The following DENND1A variants were observed in gnomAD, a reference collection of about 807,000 sequenced individuals.
DENND1A encodes DENN domain containing 1A, also known as DENN domain-containing protein 1A.
In DENND1A, 51 loss-of-function variants were observed where a neutral mutation model predicts 113.7. The observed-to-expected ratio is 0.45, with a 90% confidence interval of 0.36 to 0.57. The LOEUF (loss-of-function observed/expected upper bound fraction) is 0.57. Among genes scored for constraint, DENND1A ranks in the 20% least tolerant of loss-of-function variants. The pLI, the probability that DENND1A is intolerant of heterozygous loss-of-function variation, is 0.00. For synonymous variants in DENND1A, 565 were observed against 570.8 expected, an observed-to-expected ratio of 0.99 and a Z score of 0.14; for missense variants, 1,258 against 1,395.9, an observed-to-expected ratio of 0.90 and a Z score of 1.57.
At chr9:123,818,021 C>T (rs530107129) in intron 2 of DENND1A, among the ~76,000 whole-genome samples, 15 of 149,294 alleles carry the variant, frequency 1.0e-4, no homozygotes, top group Middle Eastern at 3.5e-3. Context: ...AGTGAGACTC[C>T]GTTAAAAAAA....
intron 2 of DENND1A, among the ~76,000 whole-genome samples, chr9:123,854,818 G>A (rs180892953): frequency 2.6e-5 from 4 of 151,022 alleles, no homozygotes; most frequent in African/African-American, 7.4e-5. Flanking sequence ...TCTCTTGGTC[G>A]AATATATCTT....
At chr9:123,477,265 C>G (rs1260468284) in intron 13 of DENND1A, among the ~76,000 whole-genome samples, 2 of 151,774 alleles carry the variant, frequency 1.3e-5, no homozygotes, top group Non-Finnish European at 2.9e-5. Context: ...TACAGTGGCT[C>G]ACGCCTGTGA....
At chr9:123,722,285 G>A (rs2067396382) in intron 5 of DENND1A, among the ~76,000 whole-genome samples, 2 of 152,194 alleles carry the variant, frequency 1.3e-5, no homozygotes, top group Admixed American at 1.3e-4. Context: ...GGTGACTTGG[G>A]TGCTGTTAAA....
intron 13 of DENND1A, among the ~76,000 whole-genome samples, chr9:123,519,786 T>C (rs2054239278): frequency 6.6e-6 from 1 of 152,074 alleles, no homozygotes; most frequent in South Asian, 2.1e-4. Flanking sequence ...AGCAGAGGCA[T>C]GGCATGTGAC....
chr9:123,725,904 T>C (rs1564144543), intron 5 of DENND1A, among the ~76,000 whole-genome samples: 1 of 152,170 alleles, frequency 6.6e-6, no homozygotes, highest in East Asian at 1.9e-4. Flanking sequence ...TTCTAACAGG[T>C]AAACAACAAA....
chr9:123,483,556 G>A (rs2050531884), intron 13 of DENND1A, among the ~76,000 whole-genome samples: 1 of 152,250 alleles, frequency 6.6e-6, no homozygotes, highest in African/African-American at 2.4e-5. Flanking sequence ...GGGCTGACCA[G>A]ACGCATGCAC....
At chr9:123,580,750 C>A (rs2058849436) in intron 12 of DENND1A, among the ~76,000 whole-genome samples, 1 of 152,188 alleles carries the variant, frequency 6.6e-6, no homozygotes, top group South Asian at 2.1e-4. Context: ...GCTAGTAGGC[C>A]CTAAGGTACC....
chr9:123,497,214 G>A (rs1351479105), intron 13 of DENND1A, among the ~76,000 whole-genome samples: 1 of 152,232 alleles, frequency 6.6e-6, no homozygotes, highest in Non-Finnish European at 1.5e-5. Flanking sequence ...TGCACATTTA[G>A]AACTTAGGGA....
chr9:123,395,733 C>T (rs2043093440), intron 21 of DENND1A, among the ~76,000 whole-genome samples: 1 of 152,112 alleles, frequency 6.6e-6, no homozygotes, highest in Non-Finnish European at 1.5e-5. Context: ...TGGGGATGCA[C>T]TGGCAGCTTC....
At chr9:123,732,682 T>A (rs1445211566) in intron 5 of DENND1A, among the ~76,000 whole-genome samples, 1 of 152,130 alleles carries the variant, frequency 6.6e-6, no homozygotes, top group Non-Finnish European at 1.5e-5. Context: ...AAATTAAAAA[T>A]AAAAATAGAA....
chr9:123,812,210 T>C (rs1362356992), intron 2 of DENND1A, among the ~76,000 whole-genome samples: 2 of 152,234 alleles, frequency 1.3e-5, no homozygotes, highest in African/African-American at 4.8e-5. Flanking sequence ...AACATTTATA[T>C]ATCTGATATT....
intron 13 of DENND1A, among the ~76,000 whole-genome samples, chr9:123,520,623 C>G (rs2054317277): frequency 6.6e-6 from 1 of 152,240 alleles, no homozygotes; most frequent in African/African-American, 2.4e-5. Flanking sequence ...TCTTGAGAGT[C>G]AGATTTGGAT....
At chr9:123,480,762 G>A (rs140173317) in intron 13 of DENND1A, among the ~76,000 whole-genome samples, 20 of 152,244 alleles carry the variant, frequency 1.3e-4, no homozygotes, top group African/African-American at 4.8e-4. Context: ...ACCTTACCAA[G>A]CATACAGCCT....
rs1200426046 is a variant in DENND1A at position 123,769,652 on chromosome 9, TAAAG to T, written c.133-93_133-90del. Reference sequence around the variant, plus strand: ...AGCACACAATCTAGCAACTTTACCCTAAAGAAAGAGGAGACAGATGAAGAAATAT... The same window carrying T: ...AGCACACAATCTAGCAACTTTACCCTAAAGAGGAGACAGATGAAGAAATAT... On this transcript the variant is annotated intron_variant, in intron 3 of 23. Coordinates refer to ENST00000394215, the MANE Select transcript of DENND1A (RefSeq NM_001352964.2). 6.2e-6 allele frequency: 7 copies of T among 1,135,330 alleles called. No homozygotes were observed. In the African/African-American group the frequency reaches 1.1e-4, roughly 18 times the overall value. The allele number at this position is 1,135,330 out of a possible 1,614,324, so 70.3% of individuals were successfully genotyped here.
chr9:123,709,255 C>T (rs192528436), intron 5 of DENND1A, among the ~76,000 whole-genome samples: 1 of 152,308 alleles, frequency 6.6e-6, no homozygotes, highest in Non-Finnish European at 1.5e-5. Context: ...CTTTCCCAAT[C>T]CTACTCCCGA....
At chr9:123,625,339 T>C (rs1005196473) in intron 10 of DENND1A, among the ~76,000 whole-genome samples, 8 of 152,232 alleles carry the variant, frequency 5.3e-5, no homozygotes, top group Non-Finnish European at 1.2e-4. Context: ...GCAGCTATCT[T>C]CATCACTTAT....
intron 19 of DENND1A, among the ~76,000 whole-genome samples, chr9:123,433,823 C>T (rs1385854968): frequency 6.6e-6 from 1 of 152,178 alleles, no homozygotes; most frequent in Admixed American, 6.5e-5. Context: ...CCTCCCTTCC[C>T]CTGACTGCTT....
chr9:123,838,910 C>T (rs1216679095), intron 2 of DENND1A, among the ~76,000 whole-genome samples: 1 of 152,200 alleles, frequency 6.6e-6, no homozygotes, highest in African/African-American at 2.4e-5. Context: ...GTCCATAGCA[C>T]ATTTAAGTAG....
At chr9:123,462,566 G>A (rs973623648) in intron 13 of DENND1A, among the ~76,000 whole-genome samples, 5 of 152,180 alleles carry the variant, frequency 3.3e-5, no homozygotes, top group African/African-American at 1.2e-4. Flanking sequence ...GGAGGCTGAG[G>A]TGGGCGGATC....
Sources: gnomAD v4.1 joint callset for allele counts (sites outside exome capture counted in the v4.1 genomes callset) on GRCh38, gnomAD v4.1.1 for gene constraint, MANE v1.5 for transcripts, NCBI Gene and HGNC (gene_info 2026-07-23, HGNC 2026-07-21) for gene names.